The following WDFY3 variants were observed in gnomAD, a reference collection of about 807,000 sequenced individuals.
WDFY3 encodes the protein WD repeat and FYVE domain containing 3, also known as WD repeat and FYVE domain-containing protein 3.
WDFY3 carries 66 observed loss-of-function variants against 409.6 expected under a neutral mutation model. The ratio of observed to expected loss-of-function variants is 0.16; its 90% CI spans 0.13 to 0.20. WDFY3 has a LOEUF of 0.20. Ranked by LOEUF, WDFY3 falls within the 10% of genes least tolerant of loss-of-function variation. The probability of loss-of-function intolerance (pLI) is 1.00; values close to 1 mark genes in which losing one functional copy is unlikely to be tolerated. For synonymous variants in WDFY3, 1,521 were observed against 1,537.1 expected (o/e 0.99, Z 0.25); for missense variants, 3,031 against 4,298.1 (o/e 0.71, Z 8.24).
intron 56 of WDFY3, among the ~76,000 whole-genome samples, chr4:84,697,681 A>C (rs1314808072): frequency 6.6e-6 from 1 of 152,226 alleles, no homozygotes; most frequent in African/African-American, 2.4e-5. Context: ...TTTAGCTTAC[A>C]GAGTTTTTAT....
intron 1 of WDFY3, among the ~76,000 whole-genome samples, chr4:84,950,206 C>T (rs1168387484): frequency 1.3e-5 from 2 of 150,312 alleles, no homozygotes; most frequent in Non-Finnish European, 2.9e-5. Flanking sequence ...AATGAGAACA[C>T]ATGGACACAG....
At chr4:84,768,027 G>A (rs1743991074) in intron 30 of WDFY3, among the ~76,000 whole-genome samples, 3 of 152,170 alleles carry the variant, frequency 2.0e-5, no homozygotes, top group Admixed American at 6.5e-5. Flanking sequence ...AGGCTGCAGT[G>A]AGCCATGATT....
chr4:84,716,383 G>A (rs1344272059), intron 49 of WDFY3, among the ~76,000 whole-genome samples: 1 of 146,660 alleles, frequency 6.8e-6, no homozygotes, highest in African/African-American at 2.5e-5. Flanking sequence ...AGCATGCAGT[G>A]AGCCTAGATC....
chr4:84,780,180 G>C lies in WDFY3; in HGVS notation c.4293C>G (p.Val1431=). The change falls in exon 26 of 68, where the codon GTC becomes GTG. Residue 1431 remains valine, a synonymous_variant. Transcript: ENST00000295888. ...TCTTGACCACACAAACCAGGGCCTTGACTGCTGCATATAACCCTTCCACAT... is the reference window on the plus strand; with the variant it reads ...TCTTGACCACACAAACCAGGGCCTTCACTGCTGCATATAACCCTTCCACAT... ...ASDVEGLYAA[V]KALVCVVKSN... The C allele has an allele frequency of 6.2e-7, 1 of 1,613,612 alleles. No individual in the cohort carries two copies. The highest frequency in any genetic ancestry group is 8.5e-7 in the Non-Finnish European group (1 of 1,179,798).
rs562363197 is a variant in WDFY3, at chr4:84,876,193, T to G, written c.-31-15571A>C. 4.6e-5 allele frequency among the ~76,000 whole-genome samples: 7 copies of G among 152,320 alleles called. No homozygotes were observed. The East Asian group carries it at 1.2e-3, about 25-fold the overall frequency. The stretch of plus-strand genomic sequence containing the variant: ...TTACAACACTTATGACATCACTAGG[T>G]GACAAGAATTTCCCAGCCTCATTAT... On this transcript the variant is annotated intron_variant, in intron 3 of 67. Coordinates refer to ENST00000295888, the MANE Select transcript of WDFY3 (RefSeq NM_014991.6).
In WDFY3 at chr4:84,786,045, C is replaced by T. The variant is rs146579100; in HGVS notation, c.3996G>A (p.Ser1332=). ...VSFGLYALSV[S]SLTVARIRKV... is the part of the protein sequence containing the mutation. ...TCCGGATTCTTGCCACTGTTAGAGACGACACAGAGAGTGCATAGAGGCCAA... is the reference window on the plus strand; with the variant it reads ...TCCGGATTCTTGCCACTGTTAGAGATGACACAGAGAGTGCATAGAGGCCAA... Residue 1332 remains serine (S), a synonymous_variant, in exon 24 of 68, where the codon TCG becomes TCA. Coordinates refer to ENST00000295888, the MANE Select transcript of WDFY3 (RefSeq NM_014991.6). 18 of 1,613,872 alleles carry T rather than the reference C, an allele frequency of 1.1e-5. No homozygotes were observed. Among genetic ancestry groups the T allele is most frequent in the Admixed American group, 3.3e-5 (2 of 59,974 alleles).
intron 1 of WDFY3, among the ~76,000 whole-genome samples, chr4:84,956,454 G>A (rs954930369): frequency 1.3e-5 from 2 of 152,184 alleles, no homozygotes; most frequent in Non-Finnish European, 2.9e-5. Flanking sequence ...GGAAGAACAA[G>A]TGTCTTTTAA....
At chr4:84,811,629 GC>G (rs970309823) in intron 13 of WDFY3, among the ~76,000 whole-genome samples, 1 of 151,984 alleles carries the variant, frequency 6.6e-6, no homozygotes, top group African/African-American at 2.4e-5. Context: ...GGGCTCCTTT[GC>G]CCTCTGTTTC....
At chr4:84,884,383 G>C (rs1371620468) in intron 3 of WDFY3, among the ~76,000 whole-genome samples, 1 of 151,422 alleles carries the variant, frequency 6.6e-6, no homozygotes, top group Non-Finnish European at 1.5e-5. Context: ...TATACACTTA[G>C]AGTATATATA....
intron 35 of WDFY3, among the ~76,000 whole-genome samples, 157 bp downstream of exon 35, chr4:84,753,540 G>A (rs748378439): frequency 7.9e-5 from 12 of 152,014 alleles, no homozygotes; most frequent in Admixed American, 6.6e-4. Context: ...TGGGGACACC[G>A]GACAATAATG....
chr4:84,698,905 C>T (rs1280009766), intron 56 of WDFY3, among the ~76,000 whole-genome samples: 1 of 152,148 alleles, frequency 6.6e-6, no homozygotes, highest in Non-Finnish European at 1.5e-5. Context: ...CCAGGCTGGT[C>T]TCGAATTCTT....
chr4:84,741,933 T>C lies in WDFY3; in HGVS notation c.6074-12A>G. The C allele has an allele frequency of 6.4e-7, 1 of 1,562,314 alleles. No homozygotes were observed. Among genetic ancestry groups the C allele is most frequent in the Non-Finnish European group, 8.7e-7 (1 of 1,149,588 alleles). ...AGATGCATCTTCCCCTAAATTCCAGTAGGAAAAAAAGTCTAAGAAAATTGA... is the reference window on the plus strand; with the variant it reads ...AGATGCATCTTCCCCTAAATTCCAGCAGGAAAAAAAGTCTAAGAAAATTGA... On this transcript the variant is annotated splice_polypyrimidine_tract_variant and intron_variant, in intron 37 of 67. Transcript: ENST00000295888.
intron 25 of WDFY3, 93 bp from the exon 26 acceptor site, chr4:84,780,391 G>T: frequency 8.2e-7 from 1 of 1,225,764 alleles, no homozygotes; most frequent in South Asian, 1.9e-5. Context: ...AATTAGCAGT[G>T]TTTTATTTTA....
In WDFY3 at chr4:84,810,050, G is replaced by C. The variant is rs1333966272; in HGVS notation, c.2182C>G (p.Leu728Val). 1 of 1,614,142 alleles carries C rather than the reference G, an allele frequency of 6.2e-7. No individual in the cohort carries two copies. Among genetic ancestry groups the C allele is most frequent in the Admixed American group, 1.7e-5 (1 of 60,012 alleles). ...ACATTCATGGCGCTTATTTTTCTTA[G>C]GTCTGAGAAGCAGCCAAGAAATCGA... ...AVRFLGCFSD[L>V]RKISAMNVFP... is the part of the protein sequence containing the mutation. The change falls in exon 14 of 68, where the codon CTA becomes GTA. Residue 728 changes from leucine (L) to valine (V), a missense_variant. By Grantham distance (32) the Leu-to-Val change is conservative (BLOSUM62 1). Coordinates refer to ENST00000295888, the MANE Select transcript of WDFY3 (RefSeq NM_014991.6).
intron 67 of WDFY3, among the ~76,000 whole-genome samples, chr4:84,674,227 C>T (rs1190438620): frequency 6.6e-6 from 1 of 152,106 alleles, no homozygotes; most frequent in East Asian, 1.9e-4. Context: ...TTAAACACTA[C>T]AAAGAACAGA....
rs1227705834 is a variant in WDFY3 at position 84,793,709 on chromosome 4, A to G, written c.3487+810T>C. Among the ~76,000 whole-genome samples, 6 of 152,356 alleles carry G rather than the reference A, an allele frequency of 3.9e-5. No individual in the cohort carries two copies. The East Asian group carries it at 7.7e-4, about 20-fold the overall frequency. On this transcript the variant is annotated intron_variant, in intron 21 of 67. Transcript: ENST00000295888. ...CTACTAAAGGGGCAAATAAAGCGTC[A>G]TAACAAGAATTTTAAAGTACTAACT...
intron 1 of WDFY3, among the ~76,000 whole-genome samples, chr4:84,947,520 T>TAAA (rs1425276107): frequency 6.9e-6 from 1 of 144,526 alleles, no homozygotes. Context: ...TCAAAAATAA[T>TAAA]AATAATAATA....
Position 84,826,796 on chromosome 4 carries a change from G to A in WDFY3, c.1123+19C>T, listed in dbSNP as rs746878506. On this transcript the variant is annotated intron_variant, in intron 10 of 67. Coordinates refer to ENST00000295888, the MANE Select transcript of WDFY3 (RefSeq NM_014991.6). ...CTCTATTTCTCTCAGTAGCACAGAA[G>A]GGAAAAAACAAGACTCACCTTTGCC... 6 of 1,575,450 alleles carry A rather than the reference G, an allele frequency of 3.8e-6. No homozygotes were observed. Among genetic ancestry groups the A allele is most frequent in the Non-Finnish European group, 5.1e-6 (6 of 1,167,690 alleles).
At chr4:84,849,620 T>G (rs2150104476) in intron 5 of WDFY3, 2 of 186,060 alleles carry the variant, frequency 1.1e-5, no homozygotes, top group Non-Finnish European at 1.1e-5. Context: ...TTAAATTTCA[T>G]GCTGAGGAAT....
Sources: gnomAD v4.1 joint callset for allele counts (sites outside exome capture counted in the v4.1 genomes callset) on GRCh38, gnomAD v4.1.1 for gene constraint, MANE v1.5 for transcripts, NCBI Gene and HGNC (gene_info 2026-07-23, HGNC 2026-07-21) for gene names.